The following ERN2 variants were observed in gnomAD, a reference collection of about 807,000 sequenced individuals.
The protein encoded by ERN2 is endoplasmic reticulum to nucleus signaling 2.
Under a neutral mutation model 107.9 loss-of-function variants are expected in ERN2, and 111 were observed. That is an observed-to-expected ratio of 1.03 (90% CI 0.88 to 1.20). The LOEUF (loss-of-function observed/expected upper bound fraction) is 1.20, where lower values mean the gene tolerates loss of function less well. Among genes scored for constraint, ERN2 ranks in the 50% most tolerant of loss-of-function variants. ERN2 has a pLI of 0.00. For missense variants in ERN2, 1,225 were observed against 1,197.9 expected (o/e 1.02, Z -0.33); for synonymous variants, 524 against 501.7 (o/e 1.04, Z -0.59).
chr16:23,710,449 C>G, intron 3 of ERN2, 67 bp downstream of exon 3: 1 of 1,539,682 alleles, frequency 6.5e-7, no homozygotes, highest in Non-Finnish European at 9.0e-7. Flanking sequence ...TACAAACTCT[C>G]TCCAGACAAC....
In ERN2 at chr16:23,694,907, C is replaced by T. The variant is rs1283333539; in HGVS notation, c.1921G>A (p.Gly641Arg). ...LHIVHRDLKP[G>R]NILITGPDSQ... ...TCAGGCCCGGTGATGAGAATATTTC[C>T]TGGCTTCAGGTCCCGGTGCACTGTG... Residue 641 changes from glycine to arginine, a missense_variant, in exon 17 of 22, where the codon GGA becomes AGA. Coordinates refer to ENST00000256797, the MANE Select transcript of ERN2 (RefSeq NM_033266.4). The T allele has an allele frequency of 5.0e-6, 8 of 1,614,116 alleles. No homozygotes were observed. Among genetic ancestry groups the T allele is most frequent in the Non-Finnish European group, 6.8e-6 (8 of 1,180,054 alleles).
Position 23,707,004 on chromosome 16 carries a change from C to A in ERN2, c.379+3G>T. ...GGACCCCACAGGCTGAAGAGATGCT[C>A]ACCTGTGTAGAAGACCCCATCAGAG... is the stretch of plus-strand genomic sequence containing the variant. On this transcript the variant is annotated splice_donor_region_variant and intron_variant, in intron 5 of 21. Transcript: ENST00000256797. 1 of 1,613,112 alleles carries A rather than the reference C, an allele frequency of 6.2e-7. No individual in the cohort carries two copies. Among genetic ancestry groups the A allele is most frequent in the Non-Finnish European group, 8.5e-7 (1 of 1,179,082 alleles).
At position 23,695,310 on chromosome 16, in the gene ERN2, G is replaced by C; in HGVS notation, c.1690C>G (p.Leu564Val). ...GGGTGCCTGTCAGACTCCTGCAGCA[G>C]TTGAACTTCCCGCCGAACCAGGCCA... ...CFGLVRREVQLLQESDRHPNV... is the reference protein window; with the variant it reads ...CFGLVRREVQVLQESDRHPNV... The change falls in exon 15 of 22, where the codon CTG (leucine) becomes GTG (valine). Residue 564 changes from leucine to valine, a missense_variant. Coordinates refer to ENST00000256797, the MANE Select transcript of ERN2 (RefSeq NM_033266.4). The C allele has an allele frequency of 2.5e-6, 4 of 1,613,734 alleles. No homozygotes were observed. Among genetic ancestry groups the C allele is most frequent in the Non-Finnish European group, 3.4e-6 (4 of 1,179,908 alleles).
chr16:23,691,210 A>G lies in ERN2; in HGVS notation c.2501-14T>C, dbSNP rs1016880782. 4 of 1,613,694 alleles carry G rather than the reference A, an allele frequency of 2.5e-6. No homozygotes were observed. The African/African-American group carries it at 5.3e-5, about 22-fold the overall frequency. On this transcript the variant is annotated splice_polypyrimidine_tract_variant and intron_variant, in intron 20 of 21. Transcript: ENST00000256797. The stretch of plus-strand genomic sequence containing the variant: ...ACTTTCTCAGATCTGTGGACAGGGA[A>G]TTCAGTGGCAAAACCGTCCCTGCTA...
At chr16:23,707,328 ACAGCC>A (rs1401397503) in intron 4 of ERN2, 3 of 503,790 alleles carry the variant, frequency 6.0e-6, no homozygotes, top group East Asian at 7.3e-5. Context: ...ATTTTGCTAC[ACAGCC>A]TCTTGAGGAA....
At chr16:23,706,929 T>C (rs1269910258) in intron 5 of ERN2, 68 bp from the exon 6 acceptor site, 1 of 1,573,890 alleles carries the variant, frequency 6.4e-7, no homozygotes, top group East Asian at 2.2e-5. Context: ...GCCACTCTTG[T>C]GCCTAATTAG....
chr16:23,694,731 A>T lies in ERN2; in HGVS notation c.2097T>A (p.Ser699Arg), dbSNP rs996174773. The T allele has an allele frequency of 1.7e-5, 27 of 1,604,196 alleles. No individual in the cohort carries two copies. Among genetic ancestry groups the T allele is most frequent in the Non-Finnish European group, 2.2e-5 (26 of 1,177,198 alleles). The part of the protein sequence containing the change: ...PELLQLLPPD[S>R]PTSAVDIFSA... ...AGGACTTGGTGGATAGACTCACAGG[A>T]CTGTCTGGTGGCAGGAGCTGCAGAA... The change falls in exon 17 of 22, where the codon AGT becomes AGA. Residue 699 changes from serine to arginine, a missense_variant. Physicochemically the swap from Ser to Arg is moderately radical, Grantham distance 110. Transcript: ENST00000256797.
intron 13 of ERN2, 87 bp downstream of exon 13, chr16:23,700,452 T>G: frequency 7.2e-7 from 1 of 1,380,504 alleles, no homozygotes; most frequent in Non-Finnish European, 9.9e-7. Flanking sequence ...CCCACTATAG[T>G]GGCTTTTAAT....
chr16:23,702,180 T>G lies in ERN2; in HGVS notation c.1175A>C (p.Asn392Thr), dbSNP rs748833995. ...CAAGAAGAAGGCTGGGGCCTGGGTA[T>G]TCTCTGGAGGTCTTGTCTCTGCAGT... ...SGTAETRPPE[N>T]TQAPAFFLEL... Residue 392 changes from asparagine to threonine, a missense_variant, in exon 11 of 22, where the codon AAT becomes ACT. By Grantham distance (65) the Asn-to-Thr change is moderately conservative. Transcript: ENST00000256797. 5.6e-6 allele frequency: 9 copies of G among 1,613,922 alleles called. No homozygotes were observed. The East Asian group carries it at 2.0e-4, about 36-fold the overall frequency.
intron 17 of ERN2, among the ~76,000 whole-genome samples, chr16:23,693,439 A>C (rs943529131): frequency 4.0e-5 from 6 of 151,738 alleles, no homozygotes; most frequent in Non-Finnish European, 8.8e-5. Flanking sequence ...AAATACAAAA[A>C]TTAACTGGGC....
At chr16:23,712,894 G>T in intron 1 of ERN2, 1 of 535,958 alleles carries the variant, frequency 1.9e-6, no homozygotes, top group Non-Finnish European at 3.3e-6. Context: ...GATCTCCCCA[G>T]CTAGGTATTT....
At chr16:23,712,225 T>A (rs778107803) in intron 1 of ERN2, 1 of 187,908 alleles carries the variant, frequency 5.3e-6, no homozygotes, top group Non-Finnish European at 1.2e-5. Context: ...GGGAGAACGG[T>A]TTGGAGAAGA....
Position 23,712,806 on chromosome 16 carries a change from GC to G in ERN2, c.93+288del. On this transcript the variant is annotated intron_variant, in intron 1 of 21. Transcript: ENST00000256797. Reference sequence around the variant, plus strand: ...AGAGGCCTGGCTTTCGTGCCCAGGTGCCCCCCTACCCCAGACTACACCTCTC... The same window carrying G: ...AGAGGCCTGGCTTTCGTGCCCAGGTGCCCCCTACCCCAGACTACACCTCTC... The G allele has an allele frequency of 5.1e-6, 2 of 389,016 alleles. 1 individual carries two copies. The highest frequency in any genetic ancestry group is 1.3e-3 in the Middle Eastern group (2 of 1,522). The allele number at this position is 389,016 out of a possible 1,614,324, so 24.1% of individuals were successfully genotyped here. A position where few individuals can be genotyped will look rare whatever the true frequency, so the allele number is the denominator to read the frequency against.
At chr16:23,706,221 G>A (rs1212050403) in intron 7 of ERN2, 109 bp downstream of exon 7, 3 of 712,772 alleles carry the variant, frequency 4.2e-6, no homozygotes, top group Non-Finnish European at 7.0e-6. Flanking sequence ...GGTCCCTGGG[G>A]AGGTCAAGTG....
chr16:23,700,734 T>C (rs762014662), intron 12 of ERN2, 30 bp from the exon 13 acceptor site: 9 of 1,595,752 alleles, frequency 5.6e-6, no homozygotes, highest in Non-Finnish European at 7.7e-6. Flanking sequence ...GAGAGCTTTG[T>C]CCTGGCCACG....
At chr16:23,707,353 T>G in intron 4 of ERN2, 1 of 439,632 alleles carries the variant, frequency 2.3e-6, no homozygotes, top group East Asian at 4.7e-5. Context: ...AATGCAGAAA[T>G]TCCCACACCC....
In ERN2 at chr16:23,710,376, C is replaced by A. The variant is rs1347984272; in HGVS notation, c.234-132G>T. 4.3e-6 allele frequency: 5 copies of A among 1,170,546 alleles called. No individual in the cohort carries two copies. The Admixed American group carries it at 8.6e-5, about 20-fold the overall frequency. The allele number at this position is 1,170,546 out of a possible 1,614,324, so 72.5% of individuals were successfully genotyped here. On this transcript the variant is annotated intron_variant, in intron 3 of 21. Coordinates refer to ENST00000256797, the MANE Select transcript of ERN2 (RefSeq NM_033266.4). ...GGAAACATCATGGGGCTCCAAGACCCTCCCCTATATCACATCCAGAGCCAA... is the reference window on the plus strand; with the variant it reads ...GGAAACATCATGGGGCTCCAAGACCATCCCCTATATCACATCCAGAGCCAA...
At position 23,692,299 on chromosome 16, in the gene ERN2, G is replaced by T. The variant is rs201663878; in HGVS notation, c.2133C>A (p.Cys711Ter). Residue 711 changes from cysteine (C) to a stop codon, truncating the protein, a stop_gained, in exon 18 of 22, where the codon TGC (cysteine) becomes TGA (stop). Coordinates refer to ENST00000256797, the MANE Select transcript of ERN2 (RefSeq NM_033266.4). LOFTEE classifies it high-confidence loss of function. The stretch of plus-strand genomic sequence containing the variant: ...CACCAGAAAGCACGTAGTAGAACAC[G>T]CAGCCTGCAGAGAAGATGTCCACAG... ...TSAVDIFSAG[C>*]VFYYVLSGGS... The T allele has an allele frequency of 4.3e-6, 7 of 1,613,714 alleles. No homozygotes were observed. Among genetic ancestry groups the T allele is most frequent in the Non-Finnish European group, 5.9e-6 (7 of 1,180,038 alleles).
intron 19 of ERN2, 31 bp from the exon 20 acceptor site, chr16:23,691,456 AC>A: frequency 6.3e-7 from 1 of 1,593,754 alleles, no homozygotes; most frequent in Non-Finnish European, 8.5e-7. Flanking sequence ...GAGCCTTGTG[AC>A]CGGGGCCAGA....
Sources: gnomAD v4.1 joint callset for allele counts (sites outside exome capture counted in the v4.1 genomes callset) on GRCh38, gnomAD v4.1.1 for gene constraint, MANE v1.5 for transcripts, NCBI Gene and HGNC (gene_info 2026-07-23, HGNC 2026-07-21) for gene names.